RAB6A: variants seen among roughly 807,000 people sequenced by gnomAD.
The protein encoded by RAB6A is ras-related protein Rab-6A.
In RAB6A, 8 loss-of-function variants were observed where a neutral mutation model predicts 32.3. That is an observed-to-expected ratio of 0.25 (90% confidence interval 0.15 to 0.45). RAB6A has a LOEUF of 0.45. Among genes scored for constraint, RAB6A ranks in the 20% least tolerant of loss-of-function variants. The pLI is 1.00. For synonymous variants in RAB6A, 73 were observed against 82.1 expected (o/e 0.89, Z 0.60); for missense variants, 104 against 249.4 (o/e 0.42, Z 3.93).
At chr11:73,760,230 C>A (rs1437217868) in intron 1 of RAB6A, 1 of 776,730 alleles carries the variant, frequency 1.3e-6, no homozygotes, top group South Asian at 1.5e-5. Flanking sequence ...AGAAAGGGGG[C>A]CGGGGTACGG....
rs1401513088 is a variant in RAB6A, at chr11:73,676,955, A to G, written c.*943T>C. 1 of 166,740 alleles carries G rather than the reference A, an allele frequency of 6.0e-6. No individual in the cohort carries two copies. The allele number at this position is 166,740 out of a possible 1,614,324, so 10.3% of individuals were successfully genotyped here. A position where few individuals can be genotyped will look rare whatever the true frequency, so the allele number is the denominator to read the frequency against. ...CCTGCACAGTATTATGTTTTTAAAA[A>G]AGAAAACCCAAGCAAAATCTATTGC... On this transcript the variant is annotated 3_prime_UTR_variant, in exon 8 of 8. Transcript: ENST00000336083.
chr11:73,749,395 C>G (rs755045037), intron 1 of RAB6A, among the ~76,000 whole-genome samples: 3 of 152,120 alleles, frequency 2.0e-5, no homozygotes, highest in Non-Finnish European at 4.4e-5. Flanking sequence ...TACATACACA[C>G]TGGGTAGAGT....
chr11:73,720,530 CA>C (rs1459108455), intron 3 of RAB6A, among the ~76,000 whole-genome samples: 1 of 151,760 alleles, frequency 6.6e-6, no homozygotes, highest in East Asian at 1.9e-4. Flanking sequence ...CCTATCCTGA[CA>C]AAAAAAATCT....
chr11:73,685,320 G>A (rs552189550), intron 6 of RAB6A, among the ~76,000 whole-genome samples: 32 of 125,210 alleles, frequency 2.6e-4, no homozygotes, highest in Non-Finnish European at 4.1e-4. Flanking sequence ...ACGGAGTCTC[G>A]CTCTGTTGCC....
chr11:73,720,806 G>A (rs779899347), intron 3 of RAB6A, 40 bp downstream of exon 3: 2 of 1,473,098 alleles, frequency 1.4e-6, no homozygotes, highest in South Asian at 1.2e-5. Flanking sequence ...TTTCTAACCT[G>A]GAATGTTGCA....
chr11:73,730,672 T>A (rs769858108), intron 2 of RAB6A, 93 bp downstream of exon 2: 15 of 1,012,016 alleles, frequency 1.5e-5, no homozygotes, highest in East Asian at 5.0e-5. Flanking sequence ...TACTTTTACA[T>A]CCACAACTGC....
Position 73,760,584 on chromosome 11 carries a change from A to C in RAB6A, c.52T>G (p.Phe18Val). The C allele has an allele frequency of 6.2e-7, 1 of 1,611,120 alleles. No individual in the cohort carries two copies. The highest frequency in any genetic ancestry group is 2.2e-5 in the East Asian group (1 of 44,810). ...GNPLRKFKLV[F>V]LGEQSVGKTS... ...CACTCACCGCTTTGCTCCCCCAGGAACACCAGCTTGAATTTCCTCAGCGGA... is the reference window on the plus strand; with the variant it reads ...CACTCACCGCTTTGCTCCCCCAGGACCACCAGCTTGAATTTCCTCAGCGGA... The change falls in exon 1 of 8, where the codon TTC (phenylalanine) becomes GTC (valine). Residue 18 changes from phenylalanine to valine, a missense_variant. Physicochemically the swap from Phe to Val is conservative, Grantham distance 50. Around this residue, in one of 4 missense-constraint regions of RAB6A, gnomAD observed 48 missense variants for 155.2 expected, o/e 0.31. Transcript: ENST00000336083.
At chr11:73,691,483 T>C (rs1272835647) in intron 6 of RAB6A, among the ~76,000 whole-genome samples, 14 of 152,248 alleles carry the variant, frequency 9.2e-5, no homozygotes, top group Admixed American at 9.2e-4. Flanking sequence ...AGTAGTTCTT[T>C]CAGAGTTATT....
chr11:73,752,583 G>A (rs1348144764), intron 1 of RAB6A, among the ~76,000 whole-genome samples: 2 of 152,190 alleles, frequency 1.3e-5, no homozygotes, highest in South Asian at 2.1e-4. Flanking sequence ...CTGGGAGACC[G>A]AGGCCAGGCA....
At chr11:73,708,645 G>A (rs1945889596) in intron 5 of RAB6A, among the ~76,000 whole-genome samples, 2 of 152,058 alleles carry the variant, frequency 1.3e-5, no homozygotes, top group African/African-American at 4.8e-5. Flanking sequence ...CATTTATATT[G>A]GTATTCCTAA....
At chr11:73,713,084 G>C (rs544354369) in intron 5 of RAB6A, among the ~76,000 whole-genome samples, 1 of 152,096 alleles carries the variant, frequency 6.6e-6, no homozygotes, top group Admixed American at 6.6e-5. Context: ...TCAGAGGTGA[G>C]AGGGGTATTC....
rs1945262710 is a variant in RAB6A at position 73,675,783 on chromosome 11, T to C, written c.*2115A>G. On this transcript the variant is annotated 3_prime_UTR_variant, in exon 8 of 8. Coordinates refer to ENST00000336083, the MANE Select transcript of RAB6A (RefSeq NM_198896.2). ...CAATCAATATTAAAAGCAGTATAAC[T>C]GGTTACTTTCTTAAAAATACATAAA... The C allele has an allele frequency of 6.0e-6, 1 of 166,042 alleles. No individual in the cohort carries two copies. The highest frequency in any genetic ancestry group is 1.5e-5 in the Non-Finnish European group (1 of 68,098). 10.3% of individuals were successfully genotyped at this position (166,042 alleles called of 1,614,324 possible).
At chr11:73,704,715 G>A (rs1318753052) in intron 6 of RAB6A, among the ~76,000 whole-genome samples, 1 of 148,334 alleles carries the variant, frequency 6.7e-6, no homozygotes, top group Admixed American at 6.8e-5. Flanking sequence ...AATAAAAATA[G>A]TCTGGGTGCA....
At chr11:73,747,104 T>C (rs974051324) in intron 1 of RAB6A, among the ~76,000 whole-genome samples, 1 of 152,032 alleles carries the variant, frequency 6.6e-6, no homozygotes. Context: ...ACGACTGTTT[T>C]AACATTCTAT....
chr11:73,733,235 C>A (rs1048640162), intron 1 of RAB6A, among the ~76,000 whole-genome samples: 1 of 152,088 alleles, frequency 6.6e-6, no homozygotes, highest in African/African-American at 2.4e-5. Context: ...CAAGCCATCC[C>A]TTGCTGGAAT....
chr11:73,714,386 G>A (rs540130511), intron 5 of RAB6A, among the ~76,000 whole-genome samples: 123 of 151,920 alleles, frequency 8.1e-4, no homozygotes, highest in African/African-American at 2.8e-3. Flanking sequence ...AAGAGGCCGG[G>A]CGCGGTGACT....
At chr11:73,738,862 T>C (rs1351745342) in intron 1 of RAB6A, among the ~76,000 whole-genome samples, 1 of 151,290 alleles carries the variant, frequency 6.6e-6, no homozygotes, top group Non-Finnish European at 1.5e-5. Flanking sequence ...GATGATTGCT[T>C]GAGCCTGGGA....
chr11:73,697,232 C>G (rs1945668371), intron 6 of RAB6A, among the ~76,000 whole-genome samples: 1 of 152,200 alleles, frequency 6.6e-6, no homozygotes, highest in East Asian at 1.9e-4. Flanking sequence ...ATCACCTTAT[C>G]AGACAGGCTT....
At chr11:73,742,199 T>A (rs1423424809) in intron 1 of RAB6A, among the ~76,000 whole-genome samples, 1 of 151,976 alleles carries the variant, frequency 6.6e-6, no homozygotes, top group Non-Finnish European at 1.5e-5. Context: ...GGAGAATTGC[T>A]TGAACCCAGG....
Sources: allele counts gnomAD v4.1 joint callset (sites outside exome capture counted in the v4.1 genomes callset), GRCh38; gene constraint gnomAD v4.1.1; regional missense constraint gnomAD v4.1.1; transcripts MANE v1.5; gene names NCBI Gene and HGNC (gene_info 2026-07-23, HGNC 2026-07-21).